Variants in PLXNA2 observed in about 807,000 individuals in gnomAD.
The protein encoded by PLXNA2 is plexin A2.
PLXNA2 carries 91 observed loss-of-function variants against 193.5 expected under a neutral mutation model. That is an observed-to-expected ratio of 0.47 (90% CI 0.40 to 0.56). The LOEUF (loss-of-function observed/expected upper bound fraction) is 0.56. Ranked by LOEUF, PLXNA2 falls within the 20% of genes least tolerant of loss-of-function variation. The pLI is 0.00. For missense variants in PLXNA2, 1,995 were observed against 2,503.2 expected, an observed-to-expected ratio of 0.80 and a Z score of 4.33; for synonymous variants, 997 against 1,027.3, an observed-to-expected ratio of 0.97 and a Z score of 0.56.
intron 4 of PLXNA2, among the ~76,000 whole-genome samples, chr1:208,105,984 C>T (rs1667258594): frequency 1.3e-5 from 2 of 152,250 alleles, no homozygotes; most frequent in South Asian, 4.2e-4. Context: ...ACGCCAAGTG[C>T]CACGGAGATA....
At chr1:208,052,631 T>G (rs1665301299) in intron 14 of PLXNA2, among the ~76,000 whole-genome samples, 168 bp from the exon 15 acceptor site, 1 of 152,152 alleles carries the variant, frequency 6.6e-6, no homozygotes, top group Non-Finnish European at 1.5e-5. Context: ...GGTGAGACTC[T>G]TTCTAAGAAT....
chr1:208,231,745 G>C (rs1671699439), intron 1 of PLXNA2, among the ~76,000 whole-genome samples: 1 of 152,206 alleles, frequency 6.6e-6, no homozygotes, highest in Admixed American at 6.5e-5. Flanking sequence ...CAGGTGAGAG[G>C]ACTTAGGTAT....
intron 11 of PLXNA2, among the ~76,000 whole-genome samples, chr1:208,080,334 T>C (rs1303718092): frequency 6.6e-6 from 1 of 152,156 alleles, no homozygotes; most frequent in African/African-American, 2.4e-5. Flanking sequence ...TTTTTTTTTG[T>C]CTCCTGCTGA....
At chr1:208,089,432 C>G (rs139851204) in intron 9 of PLXNA2, among the ~76,000 whole-genome samples, 1 of 152,072 alleles carries the variant, frequency 6.6e-6, no homozygotes, top group Non-Finnish European at 1.5e-5. Context: ...GGCAAAAACC[C>G]GAAATTTTTA....
intron 3 of PLXNA2, among the ~76,000 whole-genome samples, chr1:208,178,184 T>C (rs972940135): frequency 1.3e-5 from 2 of 152,108 alleles, no homozygotes; most frequent in Non-Finnish European, 2.9e-5. Flanking sequence ...ACTGTTTTTG[T>C]GGAATTCCTG....
intron 9 of PLXNA2, among the ~76,000 whole-genome samples, chr1:208,088,400 C>T (rs1051155661): frequency 6.6e-6 from 1 of 152,228 alleles, no homozygotes; most frequent in Non-Finnish European, 1.5e-5. Context: ...AGAGAGCAGC[C>T]AGCATCCTGG....
At chr1:208,067,834 G>A (rs1005965524) in intron 12 of PLXNA2, among the ~76,000 whole-genome samples, 6 of 152,124 alleles carry the variant, frequency 3.9e-5, no homozygotes, top group South Asian at 2.1e-4. Flanking sequence ...ACATGTGCTC[G>A]CTGGGAGAGC....
intron 17 of PLXNA2, among the ~76,000 whole-genome samples, chr1:208,047,354 T>TCCCC (rs55935780): frequency 1.2e-4 from 18 of 152,098 alleles, no homozygotes; most frequent in South Asian, 2.1e-4. Flanking sequence ...TGACACAGAG[T>TCCCC]TCATGATATC....
At chr1:208,029,560 T>C in intron 29 of PLXNA2, 1 of 991,024 alleles carries the variant, frequency 1.0e-6, no homozygotes, top group Non-Finnish European at 1.2e-6. Context: ...CTGGCCTGGC[T>C]GGGCCGAGGA....
At chr1:208,171,325 A>G (rs984179537) in intron 3 of PLXNA2, among the ~76,000 whole-genome samples, 1 of 152,200 alleles carries the variant, frequency 6.6e-6, no homozygotes, top group African/African-American at 2.4e-5. Context: ...AATAACAGTT[A>G]ACTTTTACTA....
chr1:208,186,621 G>A (rs1030760274), intron 3 of PLXNA2, among the ~76,000 whole-genome samples: 6 of 152,140 alleles, frequency 3.9e-5, no homozygotes, highest in Non-Finnish European at 7.4e-5. Flanking sequence ...CGGTGATGGA[G>A]AAAATGGGAT....
intron 3 of PLXNA2, among the ~76,000 whole-genome samples, chr1:208,185,439 T>C (rs1194704133): frequency 6.6e-6 from 1 of 152,146 alleles, no homozygotes; most frequent in Non-Finnish European, 1.5e-5. Flanking sequence ...TAGCTATATA[T>C]ATCTTTTCTT....
chr1:208,089,045 T>C (rs1252814637), intron 9 of PLXNA2, among the ~76,000 whole-genome samples: 2 of 152,262 alleles, frequency 1.3e-5, no homozygotes, highest in Non-Finnish European at 2.9e-5. Context: ...GCTGCATATA[T>C]AATAAGTACT....
At chr1:208,220,507 A>T (rs1328199771) in intron 1 of PLXNA2, among the ~76,000 whole-genome samples, 1 of 151,874 alleles carries the variant, frequency 6.6e-6, no homozygotes, top group Admixed American at 6.6e-5. Context: ...ATCTCAGCTC[A>T]TTGAGACCTC....
At chr1:208,233,987 A>T (rs551618988) in intron 1 of PLXNA2, among the ~76,000 whole-genome samples, 170 of 152,310 alleles carry the variant, frequency 1.1e-3, no homozygotes, top group African/African-American at 4.0e-3. Flanking sequence ...AGGAGAGGTC[A>T]GTTCTCACAG....
At chr1:208,108,473 G>A (rs1344853983) in intron 4 of PLXNA2, among the ~76,000 whole-genome samples, 8 of 152,120 alleles carry the variant, frequency 5.3e-5, no homozygotes, top group East Asian at 3.9e-4. Context: ...AAGAACAAGC[G>A]CCCTTTGCCA....
chr1:208,038,601 G>A lies in PLXNA2; in HGVS notation c.4661-127C>T. The A allele has an allele frequency of 2.4e-6, 2 of 831,970 alleles. No individual in the cohort carries two copies. Among genetic ancestry groups the A allele is most frequent in the South Asian group, 3.1e-5 (2 of 64,914 alleles). The allele number at this position is 831,970 out of a possible 1,614,324, so 51.5% of individuals were successfully genotyped here. On this transcript the variant is annotated intron_variant, in intron 25 of 31. Coordinates refer to ENST00000367033, the MANE Select transcript of PLXNA2 (RefSeq NM_025179.4). This position sits in a 1 kb window ranked among gnomAD's most constrained non-coding sequence, Gnocchi z 4.1. The stretch of plus-strand genomic sequence containing the variant: ...CCTCAAGCTGGTACCAATAACAGAG[G>A]CTAGAGACATCTAGGGCTCCATGGG...
At chr1:208,214,763 A>G (rs1307317919) in intron 2 of PLXNA2, among the ~76,000 whole-genome samples, 4 of 152,172 alleles carry the variant, frequency 2.6e-5, no homozygotes, top group African/African-American at 9.7e-5. Context: ...CTCTCCATGT[A>G]TTATCTCATC....
chr1:208,103,349 C>T, intron 4 of PLXNA2, 102 bp from the exon 5 acceptor site: 1 of 855,002 alleles, frequency 1.2e-6, no homozygotes, highest in Non-Finnish European at 1.8e-6. Flanking sequence ...CTGTCAACTC[C>T]CCTAAAGAGG....
Sources: allele counts gnomAD v4.1 joint callset (sites outside exome capture counted in the v4.1 genomes callset), GRCh38; gene constraint gnomAD v4.1.1; non-coding constraint Gnocchi (gnomAD v3.1); transcripts MANE v1.5; gene names NCBI Gene and HGNC (gene_info 2026-07-23, HGNC 2026-07-21).